CYP2C19: variants seen among roughly 807,000 people sequenced by gnomAD.
The protein encoded by CYP2C19 is cytochrome P450 2C19.
A neutral mutation model predicts 40.9 loss-of-function variants in CYP2C19; 59 were observed. That is an observed-to-expected ratio of 1.44 (90% confidence interval 1.17 to 1.79). The LOEUF is 1.79. CYP2C19 is among the 40% of genes most tolerant of loss of function. The probability of loss-of-function intolerance (pLI) is 0.00; values close to 1 mark genes in which losing one functional copy is unlikely to be tolerated. For missense variants in CYP2C19, 754 were observed against 596.9 expected (o/e 1.26, Z -2.74); for synonymous variants, 253 against 208.7 (o/e 1.21, Z -1.83).
At chr10:94,779,697 A>G (rs1848457915) in intron 3 of CYP2C19, among the ~76,000 whole-genome samples, 1 of 151,652 alleles carries the variant, frequency 6.6e-6, no homozygotes, top group African/African-American at 2.4e-5. Flanking sequence ...AGTAGCTGGG[A>G]TTACAGGCAC....
intron 1 of CYP2C19, among the ~76,000 whole-genome samples, chr10:94,771,529 G>A (rs1175886880): frequency 6.6e-6 from 1 of 152,098 alleles, no homozygotes; most frequent in Non-Finnish European, 1.5e-5. Context: ...ATCAGAGAGA[G>A]AATAGTGGGG....
intron 5 of CYP2C19, among the ~76,000 whole-genome samples, chr10:94,784,596 G>A (rs917258379): frequency 2.6e-5 from 4 of 151,904 alleles, no homozygotes; most frequent in Admixed American, 6.6e-5. Context: ...TGAATGTAAA[G>A]TGGTATCTCA....
chr10:94,820,605 T>A lies in CYP2C19; in HGVS notation c.929T>A (p.Leu310His). Residue 310 changes from leucine (L) to histidine (H), a missense_variant, in exon 6 of 9, where the codon CTC becomes CAC. Transcript: ENST00000371321. ...ETTSTTLRYA[L>H]LLLLKHPEVT... is the part of the protein sequence containing the mutation. ...ACAAGCACAACCCTGAGATATGCTC[T>A]CCTTCTCCTGCTGAAGCACCCAGAG... is the stretch of plus-strand genomic sequence containing the variant. The A allele has an allele frequency of 1.2e-6, 2 of 1,614,204 alleles. No homozygotes were observed. The highest frequency in any genetic ancestry group is 1.7e-6 in the Non-Finnish European group (2 of 1,180,044).
At chr10:94,768,507 T>C (rs1269774265) in intron 1 of CYP2C19, among the ~76,000 whole-genome samples, 1 of 152,162 alleles carries the variant, frequency 6.6e-6, no homozygotes, top group Non-Finnish European at 1.5e-5. Context: ...TGTATGTATT[T>C]GAAGCACCAG....
At chr10:94,830,156 G>A (rs898003882) in intron 6 of CYP2C19, among the ~76,000 whole-genome samples, 2 of 152,354 alleles carry the variant, frequency 1.3e-5, no homozygotes, top group East Asian at 1.9e-4. Context: ...AGGCAGGCAG[G>A]CCTCCTTGAG....
In CYP2C19 at chr10:94,810,176, G is replaced by A. The variant is rs185950337; in HGVS notation, c.820-10320G>A. On this transcript the variant is annotated intron_variant, in intron 5 of 8. Coordinates refer to ENST00000371321, the MANE Select transcript of CYP2C19 (RefSeq NM_000769.4). ...ATTATAGGCGTGAGCCACGTCGCCC[G>A]GCCTACATTTATTGATTTGCATGTG... Among the ~76,000 whole-genome samples, 176 of 152,232 alleles carry A rather than the reference G, an allele frequency of 1.2e-3. 1 individual carries two copies. The highest frequency in any genetic ancestry group is 6.8e-3 in the Middle Eastern group (2 of 294).
At chr10:94,798,146 C>G (rs1427916544) in intron 5 of CYP2C19, among the ~76,000 whole-genome samples, 2 of 152,114 alleles carry the variant, frequency 1.3e-5, no homozygotes, top group Non-Finnish European at 2.9e-5. Context: ...AAATTTCCGT[C>G]TACACACTGC....
At chr10:94,816,834 T>A in intron 5 of CYP2C19, among the ~76,000 whole-genome samples, 1 of 149,496 alleles carries the variant, frequency 6.7e-6, no homozygotes, top group East Asian at 2.0e-4. Context: ...CGGTGTTTGG[T>A]TTTTTGTTCT....
chr10:94,845,117 GTTC>G (rs1244173213), intron 7 of CYP2C19, among the ~76,000 whole-genome samples: 4 of 152,132 alleles, frequency 2.6e-5, no homozygotes, highest in Admixed American at 6.5e-5. Context: ...AGGCAAATGT[GTTC>G]TTCTGCTACA....
chr10:94,775,157 C>T lies in CYP2C19; in HGVS notation c.268C>T (p.Leu90Phe). Residue 90 changes from leucine (L) to phenylalanine (F), a missense_variant, in exon 2 of 9, where the codon CTT (leucine) becomes TTT (phenylalanine). Leu to Phe is a conservative substitution (Grantham distance 22, BLOSUM62 0). Transcript: ENST00000371321. ...YEVVKEALID[L>F]GEEFSGRGHF... ...AGTGGTGAAGGAAGCCCTGATTGAT[C>T]TTGGAGAGGAGTTTTCTGGAAGAGG... is the stretch of plus-strand genomic sequence containing the variant. 2 of 1,614,100 alleles carry T rather than the reference C, an allele frequency of 1.2e-6. No homozygotes were observed. The highest frequency in any genetic ancestry group is 1.6e-4 in the Middle Eastern group (1 of 6,062).
chr10:94,836,111 C>T (rs1362224882), intron 6 of CYP2C19, among the ~76,000 whole-genome samples: 1 of 152,238 alleles, frequency 6.6e-6, no homozygotes, highest in Non-Finnish European at 1.5e-5. Context: ...AGTTGCAGCA[C>T]TGGCTCTTCA....
intron 1 of CYP2C19, chr10:94,774,486 G>A (rs1848378299): frequency 6.4e-6 from 1 of 157,420 alleles, no homozygotes; most frequent in Non-Finnish European, 1.4e-5. Flanking sequence ...TACTGCTGTG[G>A]AGACTATTGG....
chr10:94,816,567 TGTA>T (rs982528618), intron 5 of CYP2C19, among the ~76,000 whole-genome samples: 6 of 151,910 alleles, frequency 3.9e-5, no homozygotes, highest in Admixed American at 6.6e-5. Context: ...ATAAGGAAAA[TGTA>T]GTCTCTTTCT....
In CYP2C19 at chr10:94,854,966, G is replaced by A. The variant is rs1430920779; in HGVS notation, c.*2052G>A. Among the ~76,000 whole-genome samples, 1 of 152,150 alleles carries A rather than the reference G, an allele frequency of 6.6e-6. No individual in the cohort carries two copies. Among genetic ancestry groups the A allele is most frequent in the African/African-American group, 2.4e-5 (1 of 41,426 alleles). On this transcript the variant is annotated 3_prime_UTR_variant, in exon 9 of 9. Transcript: ENST00000371321. ...ATGTATTAATGTAGTGTTAGTAGAG[G>A]TGTTGACAAACACCCATGGGTGAGA...
At chr10:94,810,121 C>A (rs753020322) in intron 5 of CYP2C19, among the ~76,000 whole-genome samples, 10 of 152,074 alleles carry the variant, frequency 6.6e-5, no homozygotes, top group Non-Finnish European at 1.5e-4. Context: ...ACCCTGTGAT[C>A]CACCCACCTC....
chr10:94,836,874 C>A (rs1415847076), intron 6 of CYP2C19, among the ~76,000 whole-genome samples: 1 of 152,196 alleles, frequency 6.6e-6, no homozygotes, highest in South Asian at 2.1e-4. Flanking sequence ...TACTGAAGGA[C>A]AAGAGTGTCC....
At position 94,852,970 on chromosome 10, in the gene CYP2C19, G is replaced by C; in HGVS notation, c.*56G>C. On this transcript the variant is annotated 3_prime_UTR_variant, in exon 9 of 9. Transcript: ENST00000371321. Reference sequence around the variant, plus strand: ...CTGTCCCTGCAGCTCTCTTTCCTCTGGTCCAAATTTCACTATCTGTGATGC... The same window carrying C: ...CTGTCCCTGCAGCTCTCTTTCCTCTCGTCCAAATTTCACTATCTGTGATGC... 1 of 1,575,062 alleles carries C rather than the reference G, an allele frequency of 6.3e-7. No individual in the cohort carries two copies. The highest frequency in any genetic ancestry group is 1.4e-5 in the African/African-American group (1 of 73,864).
intron 8 of CYP2C19, among the ~76,000 whole-genome samples, chr10:94,851,317 G>C (rs1849650614): frequency 6.6e-6 from 1 of 150,502 alleles, no homozygotes. Flanking sequence ...ACTATCATGA[G>C]AACAGCAAGT....
At chr10:94,848,105 G>T (rs191490519) in intron 7 of CYP2C19, among the ~76,000 whole-genome samples, 2,869 of 152,142 alleles carry the variant, frequency 0.019, 41 homozygotes, top group South Asian at 0.07. Context: ...GTCAATTTTG[G>T]CTTTTGTTGC....
Sources: gnomAD v4.1 joint callset for allele counts (sites outside exome capture counted in the v4.1 genomes callset) on GRCh38, gnomAD v4.1.1 for gene constraint, MANE v1.5 for transcripts, NCBI Gene and HGNC (gene_info 2026-07-23, HGNC 2026-07-21) for gene names.